CREBBP: variants seen among roughly 807,000 people sequenced by gnomAD.
CREBBP encodes CREB binding lysine acetyltransferase, also known as CREB-binding protein.
A neutral mutation model predicts 265.0 loss-of-function variants in CREBBP; 19 were observed. That is an observed-to-expected ratio of 0.07 (90% CI 0.05 to 0.11). CREBBP has a LOEUF of 0.11. Ranked by LOEUF, CREBBP falls within the 10% of genes least tolerant of loss-of-function variation. The pLI is 1.00. For missense variants in CREBBP, 2,525 were observed against 3,219.0 expected, an observed-to-expected ratio of 0.78 and a Z score of 5.22; for synonymous variants, 1,457 against 1,223.7, an observed-to-expected ratio of 1.19 and a Z score of -3.98.
At chr16:3,849,452 T>C (rs1567360766) in intron 2 of CREBBP, among the ~76,000 whole-genome samples, 6 of 76,228 alleles carry the variant, frequency 7.9e-5, no homozygotes, top group Non-Finnish European at 1.2e-4. Flanking sequence ...TGTGTGTGTG[T>C]GTGTGTGTGT....
In CREBBP at chr16:3,836,391, G is replaced by A. The variant is rs567951732; in HGVS notation, c.798+13906C>T. Among the ~76,000 whole-genome samples, 4 of 146,744 alleles carry A rather than the reference G, an allele frequency of 2.7e-5. No homozygotes were observed. The Admixed American group carries it at 2.8e-4, about 10-fold the overall frequency. ...GGAGGTTGCAGTGAGCCGAGATTGC[G>A]CCAGTACACTCCAGCCTGGGTGACA... On this transcript the variant is annotated intron_variant, in intron 2 of 30. Transcript: ENST00000262367.
chr16:3,788,083 A>G (rs1184740829), intron 5 of CREBBP, among the ~76,000 whole-genome samples: 1 of 152,204 alleles, frequency 6.6e-6, no homozygotes, highest in Non-Finnish European at 1.5e-5. Flanking sequence ...AGCTGGGGCC[A>G]TGGCTGACGC....
chr16:3,781,746 T>C (rs2053277851), intron 6 of CREBBP, among the ~76,000 whole-genome samples: 1 of 152,138 alleles, frequency 6.6e-6, no homozygotes, highest in Non-Finnish European at 1.5e-5. Context: ...TAGAGGTCAA[T>C]TTGTCTACAA....
chr16:3,746,285 T>C (rs779078846), intron 21 of CREBBP, among the ~76,000 whole-genome samples: 5 of 152,018 alleles, frequency 3.3e-5, no homozygotes, highest in Non-Finnish European at 4.4e-5. Flanking sequence ...GCCATGGGTC[T>C]ACCCTCATCT....
At chr16:3,872,956 A>G (rs76304112) in intron 1 of CREBBP, among the ~76,000 whole-genome samples, 1,605 of 152,348 alleles carry the variant, frequency 0.011, 25 homozygotes, top group African/African-American at 0.035. Flanking sequence ...GACACTCAGG[A>G]AACAGGGGAG....
Position 3,880,235 on chromosome 16 carries a change from C to A in CREBBP, c.-319G>T, listed in dbSNP as rs1442714443. The A allele has an allele frequency of 7.1e-6, 1 of 141,238 alleles. No individual in the cohort carries two copies. The highest frequency in any genetic ancestry group is 7.0e-5 in the Admixed American group (1 of 14,360). 8.7% of individuals were successfully genotyped at this position (141,238 alleles called of 1,614,324 possible). Reference sequence around the variant, plus strand: ...GGGGGCGCCCCGGCGGCCCGGCCGCCCCCCCGGGCCCGGCTGGCAGCGACG... The same window carrying A: ...GGGGGCGCCCCGGCGGCCCGGCCGCACCCCCGGGCCCGGCTGGCAGCGACG... On this transcript the variant is annotated 5_prime_UTR_variant, in exon 1 of 31. Coordinates refer to ENST00000262367, the MANE Select transcript of CREBBP (RefSeq NM_004380.3).
In CREBBP at chr16:3,731,991, A is replaced by G. The variant is rs996730985; in HGVS notation, c.4729-54T>C. On this transcript the variant is annotated intron_variant, in intron 28 of 30. Coordinates refer to ENST00000262367, the MANE Select transcript of CREBBP (RefSeq NM_004380.3). The surrounding 1 kb of genome is among the most constrained non-coding windows in gnomAD (Gnocchi z 7.7). ...AGGCAAGTGCCCCTCCACACTTGGC[A>G]CGGACGCCCAGCTCCCAGGCCGTGG... is the stretch of plus-strand genomic sequence containing the variant. 3 of 1,613,232 alleles carry G rather than the reference A, an allele frequency of 1.9e-6. No homozygotes were observed. The highest frequency in any genetic ancestry group is 3.3e-5 in the Admixed American group (2 of 60,008).
intron 2 of CREBBP, among the ~76,000 whole-genome samples, chr16:3,829,581 A>G (rs1416426847): frequency 1.3e-5 from 2 of 152,198 alleles, no homozygotes; most frequent in Non-Finnish European, 2.9e-5. Context: ...CATCCCAGGA[A>G]TTAAACTGAG....
chr16:3,861,192 G>C (rs111597005), intron 1 of CREBBP, among the ~76,000 whole-genome samples: 1,998 of 152,254 alleles, frequency 0.013, 49 homozygotes, highest in African/African-American at 0.043. Context: ...TGAGGCAGGA[G>C]AATCACTGGG....
chr16:3,774,296 A>G (rs537736154), intron 12 of CREBBP, among the ~76,000 whole-genome samples: 2 of 152,206 alleles, frequency 1.3e-5, no homozygotes, highest in Non-Finnish European at 2.9e-5. Flanking sequence ...TGCTGGCCAC[A>G]TATCTGAGGC....
rs2151340619 is a variant in CREBBP, at chr16:3,740,477, G to C, written c.4055C>G (p.Pro1352Arg). 3 of 1,614,212 alleles carry C rather than the reference G, an allele frequency of 1.9e-6. No individual in the cohort carries two copies. Among genetic ancestry groups the C allele is most frequent in the Non-Finnish European group, 2.5e-6 (3 of 1,180,030 alleles). Reference sequence around the variant, plus strand: ...TCGGACAAAAACCTCCCCGGCTTCAGGGTGATTCTGGCGCCGCAAAAATTT... The same window carrying C: ...TCGGACAAAAACCTCCCCGGCTTCACGGTGATTCTGGCGCCGCAAAAATTT... ...VNKFLRRQNHPEAGEVFVRVV... is the reference protein window; with the variant it reads ...VNKFLRRQNHREAGEVFVRVV... The change falls in exon 24 of 31, where the codon CCT becomes CGT. Residue 1352 changes from proline to arginine, a missense_variant. Pro to Arg is a moderately radical substitution (Grantham distance 103, BLOSUM62 -2). Transcript: ENST00000262367.
intron 13 of CREBBP, among the ~76,000 whole-genome samples, chr16:3,772,915 CAAAAAAAA>C (rs144154476): frequency 6.8e-5 from 6 of 88,810 alleles, no homozygotes; most frequent in African/African-American, 1.7e-4. Flanking sequence ...ACTAAAAATA[CAAAAAAAA>C]AAAAAAAAAA....
At chr16:3,806,157 A>G (rs918748816) in intron 3 of CREBBP, among the ~76,000 whole-genome samples, 2 of 152,096 alleles carry the variant, frequency 1.3e-5, no homozygotes, top group Non-Finnish European at 2.9e-5. Flanking sequence ...ATCCTAGCAC[A>G]TGGCTTGCCG....
chr16:3,862,995 T>G (rs1380349671), intron 1 of CREBBP, among the ~76,000 whole-genome samples: 4 of 152,178 alleles, frequency 2.6e-5, no homozygotes, highest in African/African-American at 9.7e-5. Flanking sequence ...GGAAACATGA[T>G]GAACTTCAAA....
intron 11 of CREBBP, among the ~76,000 whole-genome samples, chr16:3,776,588 G>A (rs1449438347): frequency 1.3e-5 from 2 of 152,152 alleles, no homozygotes; most frequent in Non-Finnish European, 2.9e-5. Context: ...CAAGTGCTCA[G>A]CAGTCTAGGA....
At chr16:3,796,597 A>C (rs1468859713) in intron 3 of CREBBP, among the ~76,000 whole-genome samples, 1 of 151,774 alleles carries the variant, frequency 6.6e-6, no homozygotes, top group Non-Finnish European at 1.5e-5. Context: ...ATGTTGGCCA[A>C]GCTGGTCTTG....
chr16:3,760,003 AGAG>A (rs2052676202), intron 16 of CREBBP, among the ~76,000 whole-genome samples: 1 of 152,246 alleles, frequency 6.6e-6, no homozygotes, highest in Admixed American at 6.5e-5. Flanking sequence ...TCACTCACAC[AGAG>A]AAGAAACTGG....
At chr16:3,735,974 G>GCCTGCCAC in intron 28 of CREBBP, 62 bp downstream of exon 28, 1 of 1,613,790 alleles carries the variant, frequency 6.2e-7, no homozygotes, top group South Asian at 1.1e-5. Context: ...GCGCCTCCCA[G>GCCTGCCAC]CCTGCCACCC....
intron 24 of CREBBP, among the ~76,000 whole-genome samples, chr16:3,739,930 G>A (rs773717325): frequency 6.6e-6 from 1 of 152,180 alleles, no homozygotes; most frequent in Non-Finnish European, 1.5e-5. Flanking sequence ...CCTCACTAGG[G>A]AACTGCACCT....
Sources: gnomAD v4.1 joint callset for allele counts (sites outside exome capture counted in the v4.1 genomes callset) on GRCh38, gnomAD v4.1.1 for gene constraint, Gnocchi (gnomAD v3.1) non-coding constraint, MANE v1.5 for transcripts, NCBI Gene and HGNC (gene_info 2026-07-23, HGNC 2026-07-21) for gene names.